The following USP54 variants were observed in gnomAD, a reference collection of about 807,000 sequenced individuals.
USP54 encodes the protein ubiquitin carboxyl-terminal hydrolase 54.
Under a neutral mutation model 170.5 loss-of-function variants are expected in USP54, and 87 were observed. The ratio of observed to expected loss-of-function variants is 0.51; its 90% CI spans 0.43 to 0.61. The LOEUF is 0.61. Among genes scored for constraint, USP54 ranks in the 20% least tolerant of loss-of-function variants. The pLI, the probability that USP54 is intolerant of heterozygous loss-of-function variation, is 0.00. For synonymous variants in USP54, 655 were observed against 742.8 expected (o/e 0.88, Z 1.92); for missense variants, 1,786 against 2,047.8 (o/e 0.87, Z 2.47).
intron 4 of USP54, among the ~76,000 whole-genome samples, chr10:73,556,986 CA>C (rs1470475881): frequency 6.6e-6 from 1 of 152,102 alleles, no homozygotes; most frequent in Non-Finnish European, 1.5e-5. Context: ...TCAATCAATG[CA>C]CATTCTGCTT....
intron 4 of USP54, among the ~76,000 whole-genome samples, chr10:73,547,730 T>C (rs1486642375): frequency 6.6e-5 from 10 of 152,106 alleles, no homozygotes; most frequent in Non-Finnish European, 1.3e-4. Flanking sequence ...CAACAATTAA[T>C]TCAAGATGGA....
chr10:73,603,710 T>C (rs540716631), intron 1 of USP54, among the ~76,000 whole-genome samples: 3 of 150,212 alleles, frequency 2.0e-5, no homozygotes, highest in Admixed American at 2.0e-4. Context: ...ATCACACCAC[T>C]CAACTCCAGC....
chr10:73,518,218 G>C (rs1330930059), intron 19 of USP54: 3 of 985,256 alleles, frequency 3.0e-6, no homozygotes, highest in African/African-American at 1.7e-5. Flanking sequence ...CCCGGCCAAA[G>C]GAACTATGAG....
At position 73,554,618 on chromosome 10, in the gene USP54, A is replaced by C. The variant is rs192441813; in HGVS notation, c.241-8946T>G. ...TTAACATTTTATTGTAAAAAATTTC[A>C]AACATACAAGAGTAGACAGAAGAGC... On this transcript the variant is annotated intron_variant, in intron 4 of 23. Transcript: ENST00000687698. Among the ~76,000 whole-genome samples the C allele has an allele frequency of 1.2e-3, 185 of 152,328 alleles. 2 individuals carry two copies. The highest frequency in any genetic ancestry group is 2.1e-3 in the Non-Finnish European group (142 of 68,018).
At position 73,520,895 on chromosome 10, in the gene USP54, TAG is replaced by T. The variant is rs769459294; in HGVS notation, c.2482+11_2482+12del. On this transcript the variant is annotated intron_variant, in intron 18 of 23. Coordinates refer to ENST00000687698, the MANE Select transcript of USP54 (RefSeq NM_001391956.1). The stretch of plus-strand genomic sequence containing the variant: ...TCAAAAGTGCCACAGCCATAGCAGT[TAG>T]AGTTACTTACAGATAGCTTCATTAC... 8.1e-6 allele frequency: 13 copies of T among 1,614,092 alleles called. No homozygotes were observed. Among genetic ancestry groups the T allele is most frequent in the South Asian group, 1.1e-5 (1 of 91,080 alleles).
At chr10:73,521,182 A>G (rs2061828702) in intron 17 of USP54, among the ~76,000 whole-genome samples, 155 bp from the exon 18 acceptor site, 1 of 152,236 alleles carries the variant, frequency 6.6e-6, no homozygotes, top group South Asian at 2.1e-4. Flanking sequence ...TCTGAAAACA[A>G]GCAGGACATC....
At chr10:73,519,581 T>C in intron 19 of USP54, 1 of 668,046 alleles carries the variant, frequency 1.5e-6, no homozygotes, top group Non-Finnish European at 2.4e-6. Context: ...CAAATGGTCT[T>C]ATTATGCTGT....
chr10:73,593,908 CAG>C (rs959485846), upstream of USP54, among the ~76,000 whole-genome samples: 2 of 152,068 alleles, frequency 1.3e-5, no homozygotes, highest in Non-Finnish European at 2.9e-5. Context: ...AAAAGAGAAA[CAG>C]AGGATTTCTC....
intron 3 of USP54, among the ~76,000 whole-genome samples, chr10:73,572,199 C>T (rs1206875173): frequency 1.3e-5 from 2 of 152,096 alleles, no homozygotes; most frequent in Non-Finnish European, 2.9e-5. Context: ...CAAAAAAATA[C>T]TTGATCAGTA....
At chr10:73,550,312 T>C (rs2068959935) in intron 4 of USP54, among the ~76,000 whole-genome samples, 1 of 152,234 alleles carries the variant, frequency 6.6e-6, no homozygotes. Context: ...TTGAGTTCTA[T>C]GCCTGGATCA....
At chr10:73,580,499 T>C (rs1005539271) in intron 1 of USP54, among the ~76,000 whole-genome samples, 4 of 152,146 alleles carry the variant, frequency 2.6e-5, no homozygotes, top group Non-Finnish European at 5.9e-5. Flanking sequence ...TTATTTTTAC[T>C]GTAACTTTTC....
At chr10:73,590,240 G>C (rs1276825046) in intron 1 of USP54, among the ~76,000 whole-genome samples, 2 of 152,212 alleles carry the variant, frequency 1.3e-5, no homozygotes, top group Admixed American at 1.3e-4. Flanking sequence ...CTGGGAATTA[G>C]AAGTAAATGC....
chr10:73,546,825 C>T (rs899391965), intron 4 of USP54, among the ~76,000 whole-genome samples: 2 of 152,144 alleles, frequency 1.3e-5, no homozygotes, highest in African/African-American at 4.8e-5. Context: ...TACTGACAGA[C>T]ATTTTGGCTG....
intron 16 of USP54, among the ~76,000 whole-genome samples, chr10:73,526,353 T>G (rs1268633404): frequency 6.6e-6 from 1 of 152,118 alleles, no homozygotes; most frequent in African/African-American, 2.4e-5. Flanking sequence ...GTTCAAGCAA[T>G]TCTCCTGCCT....
chr10:73,544,809 G>A (rs1479896462), intron 5 of USP54, among the ~76,000 whole-genome samples: 2 of 151,992 alleles, frequency 1.3e-5, no homozygotes, highest in Non-Finnish European at 2.9e-5. Flanking sequence ...CTCCTCCCAA[G>A]TTCAAGTGAT....
chr10:73,552,182 C>T (rs2069551572), intron 4 of USP54, among the ~76,000 whole-genome samples: 1 of 152,166 alleles, frequency 6.6e-6, no homozygotes. Context: ...TTCAGTTTCT[C>T]TTTTAAAAGA....
chr10:73,519,478 T>C (rs1296382608), intron 19 of USP54: 2 of 309,706 alleles, frequency 6.5e-6, no homozygotes, highest in East Asian at 7.1e-5. Flanking sequence ...AAATGTAGCC[T>C]GGATTGCCAT....
intron 16 of USP54, 133 bp from the exon 17 acceptor site, chr10:73,523,883 A>T (rs9703929): frequency 0.27 from 37,680 of 139,836 alleles, 5,356 homozygotes; most frequent in Middle Eastern, 0.37. Flanking sequence ...TTTATTATTT[A>T]TTATTATTAT....
chr10:73,603,944 G>T (rs1564953884), intron 1 of USP54, among the ~76,000 whole-genome samples: 1 of 151,408 alleles, frequency 6.6e-6, no homozygotes, highest in African/African-American at 2.4e-5. Flanking sequence ...CACTTATTAG[G>T]ATGGCTACTA....
Sources: allele counts gnomAD v4.1 joint callset (sites outside exome capture counted in the v4.1 genomes callset), GRCh38; gene constraint gnomAD v4.1.1; transcripts MANE v1.5; gene names NCBI Gene and HGNC (gene_info 2026-07-23, HGNC 2026-07-21).